The following HAO1 variants were observed in gnomAD, a reference collection of about 807,000 sequenced individuals.
HAO1 encodes the protein hydroxyacid oxidase 1, also known as 2-Hydroxyacid oxidase 1.
A neutral mutation model predicts 39.7 loss-of-function variants in HAO1; 34 were observed. The ratio of observed to expected loss-of-function variants is 0.86; its 90% CI spans 0.65 to 1.14. The LOEUF is 1.14. HAO1 is among the 50% of genes most tolerant of loss of function. HAO1 has a pLI of 0.00. For synonymous variants in HAO1, 172 were observed against 173.2 expected, an observed-to-expected ratio of 0.99 and a Z score of 0.05; for missense variants, 479 against 464.5, an observed-to-expected ratio of 1.03 and a Z score of -0.29.
At chr20:7,888,481 A>T (rs2050160130) in intron 5 of HAO1, among the ~76,000 whole-genome samples, 1 of 152,162 alleles carries the variant, frequency 6.6e-6, no homozygotes, top group Non-Finnish European at 1.5e-5. Flanking sequence ...AAAATAGTTT[A>T]AAATAAACAA....
chr20:7,900,544 T>C (rs1342494450), intron 4 of HAO1, among the ~76,000 whole-genome samples: 1 of 152,170 alleles, frequency 6.6e-6, no homozygotes, highest in African/African-American at 2.4e-5. Flanking sequence ...CTGTGATTAG[T>C]GATCTTTGAT....
At chr20:7,915,968 G>T (rs1436055179) in intron 2 of HAO1, among the ~76,000 whole-genome samples, 1 of 151,940 alleles carries the variant, frequency 6.6e-6, no homozygotes, top group Non-Finnish European at 1.5e-5. Flanking sequence ...TACCATTTAT[G>T]TTGTCTTTTA....
At chr20:7,899,881 T>C (rs1808131765) in intron 4 of HAO1, among the ~76,000 whole-genome samples, 3 of 152,186 alleles carry the variant, frequency 2.0e-5, no homozygotes, top group South Asian at 4.1e-4. Flanking sequence ...TGCCATTAAG[T>C]ACATTGATTG....
chr20:7,905,754 G>A (rs1435468053), intron 4 of HAO1, among the ~76,000 whole-genome samples: 1 of 152,132 alleles, frequency 6.6e-6, no homozygotes, highest in Non-Finnish European at 1.5e-5. Flanking sequence ...AAGAGTAAAA[G>A]CTCTTAAAAC....
chr20:7,885,987 G>C, intron 5 of HAO1, 123 bp from the exon 6 acceptor site: 1 of 680,860 alleles, frequency 1.5e-6, no homozygotes, highest in Non-Finnish European at 2.5e-6. Flanking sequence ...GTAGGTTTGG[G>C]GTAAATGGTA....
chr20:7,907,666 G>A (rs984106648), intron 3 of HAO1, among the ~76,000 whole-genome samples: 1 of 152,110 alleles, frequency 6.6e-6, no homozygotes, highest in Non-Finnish European at 1.5e-5. Flanking sequence ...GCTTAGCCCA[G>A]TATTTCTCTA....
chr20:7,885,551 C>T lies in HAO1; in HGVS notation c.1012G>A (p.Glu338Lys). Residue 338 changes from glutamate to lysine, a missense_variant, in exon 7 of 8, where the codon GAA (glutamate) becomes AAA (lysine). Glu to Lys is a moderately conservative substitution (Grantham distance 56, BLOSUM62 1). Coordinates refer to ENST00000378789, the MANE Select transcript of HAO1 (RefSeq NM_017545.3). ...AGAGCCATGGCCAACCGGAATTCTT[C>T]CTTTAGTATCTCGAGGACATCTTGA... ...GVQDVLEILK[E>K]EFRLAMALSG... 6.2e-7 allele frequency: 1 copy of T among 1,612,148 alleles called. No homozygotes were observed.
intron 2 of HAO1, among the ~76,000 whole-genome samples, chr20:7,923,358 G>T (rs2050343574): frequency 6.6e-6 from 1 of 152,128 alleles, no homozygotes; most frequent in South Asian, 2.1e-4. Context: ...AAGTCTTAAT[G>T]AAAACATTTA....
At chr20:7,908,401 A>T (rs527397112) in intron 3 of HAO1, among the ~76,000 whole-genome samples, 12 of 151,770 alleles carry the variant, frequency 7.9e-5, no homozygotes, top group East Asian at 5.8e-4. Context: ...AATAAAAAAA[A>T]AAAAAAAATT....
chr20:7,894,308 C>T (rs1009671987), intron 5 of HAO1, among the ~76,000 whole-genome samples: 1 of 152,106 alleles, frequency 6.6e-6, no homozygotes, highest in African/African-American at 2.4e-5. Flanking sequence ...AATTGCTCTT[C>T]GATACAGTTG....
intron 2 of HAO1, among the ~76,000 whole-genome samples, chr20:7,915,232 G>C (rs1039522521): frequency 6.6e-6 from 1 of 152,126 alleles, no homozygotes; most frequent in Non-Finnish European, 1.5e-5. Flanking sequence ...GTGTTTTTTA[G>C]ATGAGATTAA....
chr20:7,932,073 G>T (rs1308404039), intron 2 of HAO1, among the ~76,000 whole-genome samples: 1 of 152,130 alleles, frequency 6.6e-6, no homozygotes, highest in East Asian at 1.9e-4. Flanking sequence ...CTGTTCTCAT[G>T]ATAGTGGGTG....
chr20:7,898,201 C>T (rs556901004), intron 4 of HAO1, among the ~76,000 whole-genome samples: 7 of 152,234 alleles, frequency 4.6e-5, no homozygotes, highest in Admixed American at 2.6e-4. Flanking sequence ...TTCAGTCAGT[C>T]CCCTTGCGTT....
At position 7,914,173 on chromosome 20, in the gene HAO1, G is replaced by A. The variant is rs1431748352; in HGVS notation, c.536C>T (p.Pro179Leu). Reference protein sequence around the residue: ...DDVRNRFKLPPQLRMKNFETS... With the variant: ...DDVRNRFKLPLQLRMKNFETS... ...ACATGATCATGGTTACCTGAGTTGT[G>A]GCGGCAGTTTGAATCTGTTACGCAC... is the stretch of plus-strand genomic sequence containing the variant. Residue 179 changes from proline to leucine, a missense_variant, in exon 3 of 8, where the codon CCA becomes CTA. Coordinates refer to ENST00000378789, the MANE Select transcript of HAO1 (RefSeq NM_017545.3). 1.9e-6 allele frequency: 3 copies of A among 1,613,850 alleles called. No homozygotes were observed. The highest frequency in any genetic ancestry group is 4.5e-5 in the East Asian group (2 of 44,836).
chr20:7,897,379 T>C (rs1321752436), intron 4 of HAO1, among the ~76,000 whole-genome samples: 1 of 152,158 alleles, frequency 6.6e-6, no homozygotes, highest in Non-Finnish European at 1.5e-5. Context: ...TCTTTTACTT[T>C]TCTACCTGAA....
At chr20:7,895,014 G>A (rs181786480) in intron 5 of HAO1, 119 bp downstream of exon 5, 8 of 686,358 alleles carry the variant, frequency 1.2e-5, no homozygotes, top group Middle Eastern at 2.5e-4. Context: ...ATATTTGCAC[G>A]TATTTCACCT....
Position 7,906,178 on chromosome 20 carries a change from T to C in HAO1, c.697A>G (p.Ile233Val), listed in dbSNP as rs1056569070. The C allele has an allele frequency of 6.2e-7, 1 of 1,613,026 alleles. No individual in the cohort carries two copies. The highest frequency in any genetic ancestry group is 8.5e-7 in the Non-Finnish European group (1 of 1,179,076). ...CCTCTCAAAATGCCCTTTGCAACAATTGGCAATGATGTCAGTCTTCTCAGC... is the reference window on the plus strand; with the variant it reads ...CCTCTCAAAATGCCCTTTGCAACAACTGGCAATGATGTCAGTCTTCTCAGC... ...KWLRRLTSLP[I>V]VAKGILRGDD... The change falls in exon 4 of 8, where the codon ATT becomes GTT. Residue 233 changes from isoleucine (I) to valine (V), a missense_variant. Coordinates refer to ENST00000378789, the MANE Select transcript of HAO1 (RefSeq NM_017545.3).
intron 3 of HAO1, among the ~76,000 whole-genome samples, chr20:7,907,264 T>C (rs1314718268): frequency 1.3e-5 from 2 of 152,160 alleles, no homozygotes; most frequent in Non-Finnish European, 2.9e-5. Flanking sequence ...AATACCTTCA[T>C]TTCTCTGCCA....
At chr20:7,927,644 T>C (rs528974956) in intron 2 of HAO1, among the ~76,000 whole-genome samples, 3 of 152,332 alleles carry the variant, frequency 2.0e-5, no homozygotes, top group Non-Finnish European at 2.9e-5. Flanking sequence ...CCATTGTTTA[T>C]GCTCCCAAAT....
Sources: gnomAD v4.1 joint callset for allele counts (sites outside exome capture counted in the v4.1 genomes callset) on GRCh38, gnomAD v4.1.1 for gene constraint, MANE v1.5 for transcripts, NCBI Gene and HGNC (gene_info 2026-07-23, HGNC 2026-07-21) for gene names.